The following EPHA3 variants were observed in gnomAD, a reference collection of about 807,000 sequenced individuals.
The protein encoded by EPHA3 is ephrin type-A receptor 3.
Under a neutral mutation model 107.1 loss-of-function variants are expected in EPHA3, and 42 were observed. The observed-to-expected ratio is 0.39, with a 90% CI of 0.31 to 0.51. EPHA3 has a LOEUF of 0.51. EPHA3 is among the 20% of genes least tolerant of loss of function. The pLI is 0.78. For synonymous variants in EPHA3, 461 were observed against 424.8 expected (o/e 1.09, Z -1.05); for missense variants, 1,183 against 1,211.2 (o/e 0.98, Z 0.35).
intron 3 of EPHA3, among the ~76,000 whole-genome samples, chr3:89,299,489 T>G (rs1706434140): frequency 6.6e-6 from 1 of 151,900 alleles, no homozygotes; most frequent in Non-Finnish European, 1.5e-5. Flanking sequence ...CAGGAAAAAG[T>G]AACGGCATCA....
intron 3 of EPHA3, among the ~76,000 whole-genome samples, chr3:89,239,963 A>G (rs965079820): frequency 2.6e-5 from 4 of 152,184 alleles, no homozygotes; most frequent in African/African-American, 7.2e-5. Flanking sequence ...TAATAGGTCT[A>G]TTCCAGACCT....
intron 13 of EPHA3, among the ~76,000 whole-genome samples, chr3:89,436,723 T>C (rs1471710238): frequency 6.6e-6 from 1 of 152,180 alleles, no homozygotes; most frequent in African/African-American, 2.4e-5. Context: ...AGCTCAAAAC[T>C]TAATTTATCA....
intron 2 of EPHA3, among the ~76,000 whole-genome samples, chr3:89,145,991 C>T (rs1163104181): frequency 8.6e-5 from 13 of 151,796 alleles, no homozygotes; most frequent in Admixed American, 7.9e-4. Flanking sequence ...GAAAGGAAAT[C>T]CTTACAGTAG....
intron 5 of EPHA3, among the ~76,000 whole-genome samples, chr3:89,382,227 G>T (rs1173296686): frequency 6.6e-6 from 1 of 152,096 alleles, no homozygotes; most frequent in Non-Finnish European, 1.5e-5. Flanking sequence ...AGAGACTATG[G>T]CTGGGGGTGG....
rs75456371 is a variant in EPHA3 at position 89,263,775 on chromosome 3, A to C, written c.814+53255A>C. Among the ~76,000 whole-genome samples the C allele has an allele frequency of 4.2e-3, 639 of 152,120 alleles. 2 individuals are homozygous for C. Among genetic ancestry groups the C allele is most frequent in the African/African-American group, 0.015 (618 of 41,480 alleles). The stretch of plus-strand genomic sequence containing the variant: ...GAAAAGACAGCATTCAAGCAGGAAA[A>C]CAGGGATAGAAGTTCTAATTTTGGG... On this transcript the variant is annotated intron_variant, in intron 3 of 16. Coordinates refer to ENST00000336596, the MANE Select transcript of EPHA3 (RefSeq NM_005233.6).
chr3:89,142,284 T>A (rs1242653609), intron 2 of EPHA3, among the ~76,000 whole-genome samples: 7 of 151,518 alleles, frequency 4.6e-5, no homozygotes, highest in Non-Finnish European at 8.9e-5. Flanking sequence ...TTGTAGAAAT[T>A]ATGATTCTTA....
chr3:89,369,032 C>T (rs942803902), intron 5 of EPHA3, among the ~76,000 whole-genome samples: 16 of 150,386 alleles, frequency 1.1e-4, no homozygotes, highest in Non-Finnish European at 2.1e-4. Flanking sequence ...ACAGCTGTGC[C>T]CACATTCTTA....
At chr3:89,221,661 C>T (rs1323056481) in intron 3 of EPHA3, among the ~76,000 whole-genome samples, 1 of 152,160 alleles carries the variant, frequency 6.6e-6, no homozygotes, top group East Asian at 1.9e-4. Context: ...ATTTGATCCT[C>T]ACCAAAGCCT....
chr3:89,178,342 C>T (rs942011495), intron 2 of EPHA3, among the ~76,000 whole-genome samples: 4 of 151,744 alleles, frequency 2.6e-5, no homozygotes, highest in African/African-American at 4.8e-5. Context: ...TCCTTTATTC[C>T]ATTTGTGCAA....
chr3:89,358,143 T>A lies in EPHA3; in HGVS notation c.1306+16053T>A, dbSNP rs1401218621. ...CTAACAGATATGAAAGAAGAGAGAC[T>A]TTTTTTTACTAAAATATTTGAACAG... On this transcript the variant is annotated intron_variant, in intron 5 of 16. Coordinates refer to ENST00000336596, the MANE Select transcript of EPHA3 (RefSeq NM_005233.6). Among the ~76,000 whole-genome samples, 4 of 150,812 alleles carry A rather than the reference T, an allele frequency of 2.7e-5. No individual in the cohort carries two copies. In the Admixed American group the frequency reaches 2.7e-4, roughly 10 times the overall value.
intron 3 of EPHA3, among the ~76,000 whole-genome samples, chr3:89,282,891 C>T (rs1021392734): frequency 3.3e-5 from 5 of 152,044 alleles, no homozygotes; most frequent in African/African-American, 1.2e-4. Flanking sequence ...TTAACTGAAA[C>T]ATGAATAATA....
At chr3:89,293,842 G>C (rs1313632735) in intron 3 of EPHA3, among the ~76,000 whole-genome samples, 1 of 152,104 alleles carries the variant, frequency 6.6e-6, no homozygotes, top group Non-Finnish European at 1.5e-5. Context: ...CTTTATAGCA[G>C]TGTGAAAACA....
At chr3:89,211,663 C>T (rs1341716449) in intron 3 of EPHA3, among the ~76,000 whole-genome samples, 1 of 61,692 alleles carries the variant, frequency 1.6e-5, no homozygotes, top group Non-Finnish European at 4.7e-5. Flanking sequence ...CTTCCTCTTC[C>T]TCTTCCTCCT....
At chr3:89,231,543 G>A (rs1455243125) in intron 3 of EPHA3, among the ~76,000 whole-genome samples, 1 of 152,032 alleles carries the variant, frequency 6.6e-6, no homozygotes, top group Admixed American at 6.6e-5. Flanking sequence ...GTTTGTTTGC[G>A]TTTTGGACAA....
At chr3:89,123,002 T>G (rs1435110042) in intron 1 of EPHA3, among the ~76,000 whole-genome samples, 1 of 152,188 alleles carries the variant, frequency 6.6e-6, no homozygotes, top group Non-Finnish European at 1.5e-5. Context: ...TCTGGGAATC[T>G]TAATCCCACA....
intron 3 of EPHA3, 126 bp downstream of exon 3, chr3:89,210,646 G>A (rs1706255583): frequency 1.1e-6 from 1 of 942,012 alleles, no homozygotes; most frequent in Non-Finnish European, 1.6e-6. Flanking sequence ...ACTGACCATA[G>A]TCTATTTATG....
chr3:89,174,007 T>C (rs1183118045), intron 2 of EPHA3, among the ~76,000 whole-genome samples: 3 of 151,792 alleles, frequency 2.0e-5, no homozygotes, highest in Non-Finnish European at 4.4e-5. Flanking sequence ...TTTGGGAAAA[T>C]AGTTGATATT....
At chr3:89,120,384 G>A (rs1261933025) in intron 1 of EPHA3, among the ~76,000 whole-genome samples, 2 of 152,122 alleles carry the variant, frequency 1.3e-5, no homozygotes, top group African/African-American at 2.4e-5. Flanking sequence ...GAGAAACAAA[G>A]AGCTGTTATT....
rs776644014 is a variant in EPHA3 at position 89,395,176 on chromosome 3, ACATATAGCAGT to A, written c.1307-657_1307-647del. Among the ~76,000 whole-genome samples the A allele has an allele frequency of 4.6e-5, 7 of 152,314 alleles. No homozygotes were observed. The South Asian group carries it at 6.2e-4, about 14-fold the overall frequency. ...CAAAACATGTCTAGGTAATTGTAAC[ACATATAGCAGT>A]CATTTCCTTGGTACCTCTCATTAAG... On this transcript the variant is annotated intron_variant, in intron 5 of 16. Coordinates refer to ENST00000336596, the MANE Select transcript of EPHA3 (RefSeq NM_005233.6).
Sources: gnomAD v4.1 joint callset for allele counts (sites outside exome capture counted in the v4.1 genomes callset) on GRCh38, gnomAD v4.1.1 for gene constraint, MANE v1.5 for transcripts, NCBI Gene and HGNC (gene_info 2026-07-23, HGNC 2026-07-21) for gene names.